The following PIK3CG variants were observed in gnomAD, a reference collection of about 807,000 sequenced individuals.
The protein encoded by PIK3CG is phosphatidylinositol 4,5-bisphosphate 3-kinase catalytic subunit gamma isoform.
In PIK3CG, 55 loss-of-function variants were observed where a neutral mutation model predicts 102.3. The ratio of observed to expected loss-of-function variants is 0.54; its 90% CI spans 0.43 to 0.67. The LOEUF (loss-of-function observed/expected upper bound fraction) is 0.67. PIK3CG is among the 30% of genes least tolerant of loss of function. The pLI is 0.00. For missense variants in PIK3CG, 1,258 were observed against 1,391.8 expected (o/e 0.90, Z 1.53); for synonymous variants, 552 against 540.0 (o/e 1.02, Z -0.31).
In PIK3CG at chr7:106,872,830, G is replaced by C. The variant is rs767631122; in HGVS notation, c.2179G>C (p.Ala727Pro). The C allele has an allele frequency of 6.2e-7, 1 of 1,614,174 alleles. No homozygotes were observed. The highest frequency in any genetic ancestry group is 1.7e-5 in the Admixed American group (1 of 60,030). Residue 727 changes from alanine to proline, a missense_variant, in exon 4 of 11, where the codon GCC (alanine) becomes CCC (proline). Physicochemically the swap from Ala to Pro is conservative, Grantham distance 27. Coordinates refer to ENST00000496166, the MANE Select transcript of PIK3CG (RefSeq NM_001282426.2). This position sits in a 1 kb window ranked among gnomAD's most constrained non-coding sequence, Gnocchi z 5.3. ...AGCCTATCTGAGGGGCTGTGGCACA[G>C]CCATGCTGCACGACTTTACCCAACA... Reference protein sequence around the residue: ...LEAYLRGCGTAMLHDFTQQVQ... With the variant: ...LEAYLRGCGTPMLHDFTQQVQ...
At position 106,869,182 on chromosome 7, in the gene PIK3CG, G is replaced by A. The variant is rs2116459841; in HGVS notation, c.1621G>A (p.Asp541Asn). 6.2e-7 allele frequency: 1 copy of A among 1,614,206 alleles called. No homozygotes were observed. Among genetic ancestry groups the A allele is most frequent in the Non-Finnish European group, 8.5e-7 (1 of 1,180,040 alleles). ...KHQPTPDPEG[D>N]RVRAEMPNQL... is the part of the protein sequence containing the mutation. Reference sequence around the variant, plus strand: ...TCAGCCCACCCCTGACCCGGAAGGGGACCGGGTTCGAGCAGAAATGCCCAA... The same window carrying A: ...TCAGCCCACCCCTGACCCGGAAGGGAACCGGGTTCGAGCAGAAATGCCCAA... Residue 541 changes from aspartate to asparagine, a missense_variant, in exon 2 of 11, where the codon GAC (aspartate) becomes AAC (asparagine). Around this residue, in one of 2 missense-constraint regions of PIK3CG, gnomAD observed 832 missense variants for 787.5 expected, o/e 1.06. Transcript: ENST00000496166. This position sits in a 1 kb window ranked among gnomAD's most constrained non-coding sequence, Gnocchi z 5.3.
In PIK3CG at chr7:106,868,860, C is replaced by A. The variant is rs902636380; in HGVS notation, c.1299C>A (p.Ile433=). 3 of 1,614,104 alleles carry A rather than the reference C, an allele frequency of 1.9e-6. No homozygotes were observed. Among genetic ancestry groups the A allele is most frequent in the African/African-American group, 1.3e-5 (1 of 74,936 alleles). The part of the protein sequence containing the change: ...LPKGALLNLQ[I]YCGKAPALSS... Reference sequence around the variant, plus strand: ...AAGGGGCTCTACTGAACCTCCAGATCTACTGCGGTAAAGCTCCAGCACTGT... The same window carrying A: ...AAGGGGCTCTACTGAACCTCCAGATATACTGCGGTAAAGCTCCAGCACTGT... The change falls in exon 2 of 11, where the codon ATC becomes ATA. Residue 433 remains isoleucine (I), a synonymous_variant. Coordinates refer to ENST00000496166, the MANE Select transcript of PIK3CG (RefSeq NM_001282426.2). The surrounding 1 kb of genome is among the most constrained non-coding windows in gnomAD (Gnocchi z 6.2).
Position 106,895,656 on chromosome 7 carries a change from G to A in PIK3CG, c.3030+9364G>A, listed in dbSNP as rs1791389141. Among the ~76,000 whole-genome samples the A allele has an allele frequency of 6.6e-6, 1 of 152,188 alleles. No homozygotes were observed. Among genetic ancestry groups the A allele is most frequent in the African/African-American group, 2.4e-5 (1 of 41,448 alleles). On this transcript the variant is annotated intron_variant, in intron 10 of 10. Transcript: ENST00000496166. The surrounding 1 kb of genome is among the most constrained non-coding windows in gnomAD (Gnocchi z 5.4). Reference sequence around the variant, plus strand: ...TACTAAGAGACCTTGTGGGCAGATGGTCTAGAGGGACAGTGAGCCCCTTAG... The same window carrying A: ...TACTAAGAGACCTTGTGGGCAGATGATCTAGAGGGACAGTGAGCCCCTTAG...
intron 10 of PIK3CG, among the ~76,000 whole-genome samples, chr7:106,900,047 G>T (rs1025044774): frequency 6.6e-6 from 1 of 152,048 alleles, no homozygotes; most frequent in African/African-American, 2.4e-5. Flanking sequence ...TTATTGGTCT[G>T]TTCAGGGAAT....
rs1391578609 is a variant in PIK3CG, at chr7:106,906,579, T to C, written c.*1192T>C. On this transcript the variant is annotated 3_prime_UTR_variant, in exon 11 of 11. Coordinates refer to ENST00000496166, the MANE Select transcript of PIK3CG (RefSeq NM_001282426.2). ...CATCCTTCAGATTTCCTGAAAATAA[T>C]TGAAATATCTTACTTTAAAAATATT... 4.3e-6 allele frequency: 1 copy of C among 229,936 alleles called. No individual in the cohort carries two copies. The highest frequency in any genetic ancestry group is 8.6e-6 in the Non-Finnish European group (1 of 116,176). 14.2% of individuals were successfully genotyped at this position (229,936 alleles called of 1,614,324 possible).
At chr7:106,866,788 CT>C (rs1790299766) in intron 1 of PIK3CG, among the ~76,000 whole-genome samples, 2 of 152,146 alleles carry the variant, frequency 1.3e-5, no homozygotes, top group Admixed American at 1.3e-4. Context: ...TTGACTGTAA[CT>C]TTACTAATTC....
In PIK3CG at chr7:106,874,954, T is replaced by A; in HGVS notation, c.2391+151T>A. On this transcript the variant is annotated intron_variant, in intron 5 of 10. Coordinates refer to ENST00000496166, the MANE Select transcript of PIK3CG (RefSeq NM_001282426.2). This position sits in a 1 kb window ranked among gnomAD's most constrained non-coding sequence, Gnocchi z 4.3. ...GGGTTTCTCATAAGCCCTTGTCTAA[T>A]CACTGGTTATGAAAGCCTCAATACC... The A allele has an allele frequency of 1.8e-6, 1 of 553,614 alleles. No homozygotes were observed. Among genetic ancestry groups the A allele is most frequent in the Non-Finnish European group, 3.2e-6 (1 of 311,114 alleles). 34.3% of individuals were successfully genotyped at this position (553,614 alleles called of 1,614,324 possible).
chr7:106,877,232 G>C lies in PIK3CG; in HGVS notation c.2392-2287G>C, dbSNP rs538028009. ...GAAAAAGAAATCTATCTAATCCAGT[G>C]CCTCAGCCTGGGGTAATCCCTCTGT... On this transcript the variant is annotated intron_variant, in intron 5 of 10. Transcript: ENST00000496166. The surrounding 1 kb of genome is among the most constrained non-coding windows in gnomAD (Gnocchi z 4.5). 5.9e-5 allele frequency among the ~76,000 whole-genome samples: 9 copies of C among 152,272 alleles called. No homozygotes were observed. Among genetic ancestry groups the C allele is most frequent in the African/African-American group, 1.9e-4 (8 of 41,550 alleles).
In PIK3CG at chr7:106,877,014, A is replaced by G. The variant is rs1790770484; in HGVS notation, c.2391+2211A>G. Among the ~76,000 whole-genome samples the G allele has an allele frequency of 6.6e-6, 1 of 152,000 alleles. No individual in the cohort carries two copies. Among genetic ancestry groups the G allele is most frequent in the Non-Finnish European group, 1.5e-5 (1 of 67,992 alleles). ...GGAGTATGAGACCAGACTGGGCAAC[A>G]TGGCGAGACTCCATCTCTACAAAAA... is the stretch of plus-strand genomic sequence containing the variant. On this transcript the variant is annotated intron_variant, in intron 5 of 10. Coordinates refer to ENST00000496166, the MANE Select transcript of PIK3CG (RefSeq NM_001282426.2). This position sits in a 1 kb window ranked among gnomAD's most constrained non-coding sequence, Gnocchi z 4.5.
At chr7:106,878,403 C>T (rs931366768) in intron 5 of PIK3CG, among the ~76,000 whole-genome samples, 1 of 152,156 alleles carries the variant, frequency 6.6e-6, no homozygotes, top group East Asian at 1.9e-4. Flanking sequence ...TATAGTCTAT[C>T]AAATTTGGAA....
rs377163206 is a variant in PIK3CG, at chr7:106,876,076, G to A, written c.2391+1273G>A. On this transcript the variant is annotated intron_variant, in intron 5 of 10. Transcript: ENST00000496166. ...ACTACAGGCGCCCGCCACCGCGCCC[G>A]GCTAATTTTTTGTATTTTTAGTAGA... 7.0e-4 allele frequency among the ~76,000 whole-genome samples: 104 copies of A among 149,158 alleles called. 1 individual carries two copies. The East Asian group carries it at 0.02, about 29-fold the overall frequency.
rs1791031314 is a variant in PIK3CG at position 106,884,568 on chromosome 7, C to T, written c.2872+302C>T. 6.6e-6 allele frequency among the ~76,000 whole-genome samples: 1 copy of T among 152,056 alleles called. No individual in the cohort carries two copies. Among genetic ancestry groups the T allele is most frequent in the South Asian group, 2.1e-4 (1 of 4,814 alleles). Reference sequence around the variant, plus strand: ...TCATTGTGTAGGGACACTGGTGCTTCAGTTACTCTAGAGCAGTGGCCCCCA... The same window carrying T: ...TCATTGTGTAGGGACACTGGTGCTTTAGTTACTCTAGAGCAGTGGCCCCCA... On this transcript the variant is annotated intron_variant, in intron 9 of 10. Coordinates refer to ENST00000496166, the MANE Select transcript of PIK3CG (RefSeq NM_001282426.2). The surrounding 1 kb of genome is among the most constrained non-coding windows in gnomAD (Gnocchi z 4.2).
rs1790642343 is a variant in PIK3CG, at chr7:106,874,328, C to T, written c.2288-372C>T. On this transcript the variant is annotated intron_variant, in intron 4 of 10. Transcript: ENST00000496166. This position sits in a 1 kb window ranked among gnomAD's most constrained non-coding sequence, Gnocchi z 4.3. Reference sequence around the variant, plus strand: ...TTATTTTCTTAAAATGTCTGTTCCTCAAATCAGATGGTAGTTTAAAGTTTA... The same window carrying T: ...TTATTTTCTTAAAATGTCTGTTCCTTAAATCAGATGGTAGTTTAAAGTTTA... Among the ~76,000 whole-genome samples, 2 of 152,144 alleles carry T rather than the reference C, an allele frequency of 1.3e-5. No individual in the cohort carries two copies. Among genetic ancestry groups the T allele is most frequent in the Non-Finnish European group, 2.9e-5 (2 of 68,034 alleles).
rs183564851 is a variant in PIK3CG, at chr7:106,897,596, C to T, written c.3031-7513C>T. On this transcript the variant is annotated intron_variant, in intron 10 of 10. Transcript: ENST00000496166. This position sits in a 1 kb window ranked among gnomAD's most constrained non-coding sequence, Gnocchi z 4.6. ...CTTCCTTGTGTTCATAAGTTCTTAT[C>T]ATTTAGCTCCCACTTATAAGAGAGA... Among the ~76,000 whole-genome samples, 1 of 152,248 alleles carries T rather than the reference C, an allele frequency of 6.6e-6. No homozygotes were observed. The highest frequency in any genetic ancestry group is 6.5e-5 in the Admixed American group (1 of 15,290).
chr7:106,882,157 T>TCAAA lies in PIK3CG; in HGVS notation c.2579_2580insCAAA (p.Leu860PhefsTer16). On this transcript the variant is annotated frameshift_variant, in exon 7 of 11. Transcript: ENST00000496166. LOFTEE classifies it high-confidence loss of function. ...GAGTCTATTTGGGAGACTGAATCTT[T>TCAAA]GGATCTATGCCTCCTGCCATATGGT... The TCAAA allele has an allele frequency of 6.4e-7, 1 of 1,574,318 alleles. No homozygotes were observed. The highest frequency in any genetic ancestry group is 8.6e-7 in the Non-Finnish European group (1 of 1,160,142).
chr7:106,887,101 G>A lies in PIK3CG; in HGVS notation c.3030+809G>A, dbSNP rs566311858. Among the ~76,000 whole-genome samples, 12 of 152,314 alleles carry A rather than the reference G, an allele frequency of 7.9e-5. No individual in the cohort carries two copies. In the South Asian group the frequency reaches 8.3e-4, roughly 11 times the overall value. ...TACATTCGGGTTGGATGAGCTTGGC[G>A]TAGATTCTACTGGCTTTCCATTCCT... is the stretch of plus-strand genomic sequence containing the variant. On this transcript the variant is annotated intron_variant, in intron 10 of 10. Coordinates refer to ENST00000496166, the MANE Select transcript of PIK3CG (RefSeq NM_001282426.2).
rs1470090569 is a variant in PIK3CG at position 106,868,876 on chromosome 7, C to T, written c.1315C>T (p.Pro439Ser). The T allele has an allele frequency of 6.2e-7, 1 of 1,614,188 alleles. No individual in the cohort carries two copies. The highest frequency in any genetic ancestry group is 8.5e-7 in the Non-Finnish European group (1 of 1,180,028). ...LNLQIYCGKA[P>S]ALSSKASAES... ...CCTCCAGATCTACTGCGGTAAAGCT[C>T]CAGCACTGTCCAGCAAGGCCTCTGC... The change falls in exon 2 of 11, where the codon CCA becomes TCA. Residue 439 changes from proline to serine, a missense_variant. Coordinates refer to ENST00000496166, the MANE Select transcript of PIK3CG (RefSeq NM_001282426.2). This position sits in a 1 kb window ranked among gnomAD's most constrained non-coding sequence, Gnocchi z 6.2.
chr7:106,875,777 G>GGT (rs1383707507), intron 5 of PIK3CG, among the ~76,000 whole-genome samples: 3 of 151,946 alleles, frequency 2.0e-5, no homozygotes, highest in Non-Finnish European at 2.9e-5. Context: ...TGGGTCAGAT[G>GGT]GTGTGTGTGT....
chr7:106,887,414 T>TA (rs912272839), intron 10 of PIK3CG, among the ~76,000 whole-genome samples: 12 of 152,174 alleles, frequency 7.9e-5, no homozygotes, highest in African/African-American at 2.9e-4. Flanking sequence ...AGTCTCTTCT[T>TA]GAGTCCAAGG....
Sources: gnomAD v4.1 joint callset for allele counts (sites outside exome capture counted in the v4.1 genomes callset) on GRCh38, gnomAD v4.1.1 for gene constraint, gnomAD v4.1.1 regional missense constraint, Gnocchi (gnomAD v3.1) non-coding constraint, MANE v1.5 for transcripts, NCBI Gene and HGNC (gene_info 2026-07-23, HGNC 2026-07-21) for gene names.